The following CEP41 variants were observed in gnomAD, a reference collection of about 807,000 sequenced individuals.
CEP41 encodes centrosomal protein 41.
In CEP41, 32 loss-of-function variants were observed where a neutral mutation model predicts 44.3. That is an observed-to-expected ratio of 0.72 (90% CI 0.54 to 0.97). The LOEUF is 0.97. CEP41 is among the 50% of genes least tolerant of loss of function. The pLI, the probability that CEP41 is intolerant of heterozygous loss-of-function variation, is 0.00. For missense variants in CEP41, 432 were observed against 455.2 expected, an observed-to-expected ratio of 0.95 and a Z score of 0.46; for synonymous variants, 151 against 168.5, an observed-to-expected ratio of 0.90 and a Z score of 0.80.
At chr7:130,419,234 C>T (rs191473799) in intron 2 of CEP41, 2 of 985,292 alleles carry the variant, frequency 2.0e-6, no homozygotes, top group East Asian at 2.3e-4. Flanking sequence ...CTGATGAGTT[C>T]TTTTCACTAT....
intron 1 of CEP41, among the ~76,000 whole-genome samples, chr7:130,435,738 G>A (rs1386323004): frequency 2.0e-5 from 3 of 152,110 alleles, no homozygotes; most frequent in Non-Finnish European, 2.9e-5. Flanking sequence ...ACTCCTGGGC[G>A]TTTATCCCAG....
rs781865266 is a variant in CEP41, at chr7:130,398,995, G to A, written c.1018C>T (p.Pro340Ser). 1.2e-6 allele frequency: 2 copies of A among 1,614,188 alleles called. No homozygotes were observed. The highest frequency in any genetic ancestry group is 1.7e-6 in the Non-Finnish European group (2 of 1,180,032). The change falls in exon 11 of 11, where the codon CCT (proline) becomes TCT (serine). Residue 340 changes from proline (P) to serine (S), a missense_variant. Physicochemically the swap from Pro to Ser is moderately conservative, Grantham distance 74. Transcript: ENST00000223208. Reference sequence around the variant, plus strand: ...AGATTCTGAGCGCTTCGGGCACCAGGCACCTTGGACTCTCTTCCGGAGGAG... The same window carrying A: ...AGATTCTGAGCGCTTCGGGCACCAGACACCTTGGACTCTCTTCCGGAGGAG... ...ANSSGRESKVPGARSAQNLPG... is the reference protein window; with the variant it reads ...ANSSGRESKVSGARSAQNLPG...
At chr7:130,415,029 A>G (rs1175609745) in intron 3 of CEP41, among the ~76,000 whole-genome samples, 1 of 152,226 alleles carries the variant, frequency 6.6e-6, no homozygotes, top group Non-Finnish European at 1.5e-5. Flanking sequence ...AGTGTCATCT[A>G]ACCACCAGAA....
chr7:130,396,336 T>C lies in CEP41; in HGVS notation c.*2555A>G, dbSNP rs1554414523. On this transcript the variant is annotated 3_prime_UTR_variant, in exon 11 of 11. Transcript: ENST00000223208. The stretch of plus-strand genomic sequence containing the variant: ...GTCCCAGCCTGAGCAGGAAAAGAAA[T>C]CCAGGCTTTCTGACTGGAGAGCTGA... The C allele has an allele frequency of 2.2e-6, 1 of 454,076 alleles. No homozygotes were observed. The highest frequency in any genetic ancestry group is 6.9e-5 in the East Asian group (1 of 14,398). The allele number at this position is 454,076 out of a possible 1,614,324, so 28.1% of individuals were successfully genotyped here. A position where few individuals can be genotyped will look rare whatever the true frequency, so the allele number is the denominator to read the frequency against.
chr7:130,396,150 G>GT lies in CEP41; in HGVS notation c.*2740dup. The stretch of plus-strand genomic sequence containing the variant: ...CACAAACCCCTTTAAAGCATTTAAG[G>GT]TATTATTTAAACTTTGGCCATCACT... On this transcript the variant is annotated 3_prime_UTR_variant, in exon 11 of 11. Transcript: ENST00000223208. 1 of 452,812 alleles carries GT rather than the reference G, an allele frequency of 2.2e-6. No homozygotes were observed. Among genetic ancestry groups the GT allele is most frequent in the Non-Finnish European group, 4.4e-6 (1 of 226,586 alleles). 28.0% of individuals were successfully genotyped at this position (452,812 alleles called of 1,614,324 possible).
At chr7:130,421,277 A>T (rs782266001) in intron 2 of CEP41, 29 of 985,366 alleles carry the variant, frequency 2.9e-5, no homozygotes, top group Non-Finnish European at 3.4e-5. Flanking sequence ...AATCTAAAGT[A>T]GATGAGATTT....
chr7:130,427,917 A>G, intron 2 of CEP41, 38 bp downstream of exon 2: 1 of 1,378,758 alleles, frequency 7.3e-7, no homozygotes, highest in African/African-American at 1.4e-5. Flanking sequence ...ATTAGCTATT[A>G]GATTTTTTTT....
intron 1 of CEP41, among the ~76,000 whole-genome samples, chr7:130,437,764 C>CAAAAAA (rs1171735164): frequency 0.023 from 685 of 30,436 alleles, no homozygotes; most frequent in Non-Finnish European, 0.031. Context: ...AAGACTGTCT[C>CAAAAAA]AAAAAAAAAA....
chr7:130,435,680 G>A lies in CEP41; in HGVS notation c.33+5254C>T, dbSNP rs560168181. Among the ~76,000 whole-genome samples, 5 of 152,296 alleles carry A rather than the reference G, an allele frequency of 3.3e-5. No homozygotes were observed. The South Asian group carries it at 1.0e-3, about 32-fold the overall frequency. The stretch of plus-strand genomic sequence containing the variant: ...ACAGCCTCTCTGGAAAAGTTTGGCA[G>A]TATCTAATAAAACTAAACATATGTT... On this transcript the variant is annotated intron_variant, in intron 1 of 10. Transcript: ENST00000223208.
chr7:130,411,495 C>T (rs782701568), intron 4 of CEP41, among the ~76,000 whole-genome samples: 26 of 152,222 alleles, frequency 1.7e-4, no homozygotes, highest in Admixed American at 3.9e-4. Context: ...ATATCGTGGT[C>T]CAAGCACTAC....
At chr7:130,423,446 T>C (rs1554422703) in intron 2 of CEP41, among the ~76,000 whole-genome samples, 1 of 152,164 alleles carries the variant, frequency 6.6e-6, no homozygotes, top group African/African-American at 2.4e-5. Context: ...ACAAAGATGG[T>C]AATCAAAACG....
intron 2 of CEP41, chr7:130,426,659 A>G (rs782768843): frequency 1.3e-5 from 6 of 456,120 alleles, no homozygotes; most frequent in South Asian, 9.3e-5. Context: ...AGAAGGGTGG[A>G]TCACAGTTGC....
intron 1 of CEP41, 117 bp downstream of exon 1, chr7:130,440,809 CTCCTCACG>C: frequency 9.3e-6 from 9 of 963,176 alleles, no homozygotes; most frequent in East Asian, 2.5e-5. Flanking sequence ...ATCCCGACCC[CTCCTCACG>C]CCGGCCCCTT....
intron 1 of CEP41, among the ~76,000 whole-genome samples, chr7:130,436,988 G>A (rs1174063111): frequency 2.6e-5 from 4 of 152,098 alleles, no homozygotes; most frequent in Admixed American, 2.0e-4. Context: ...GTAGTGAGCC[G>A]AAATCGCACC....
At chr7:130,408,742 A>G (rs1181601304) in intron 5 of CEP41, among the ~76,000 whole-genome samples, 1 of 152,194 alleles carries the variant, frequency 6.6e-6, no homozygotes, top group Non-Finnish European at 1.5e-5. Context: ...TCAGGGAATA[A>G]TCAGAATCAT....
chr7:130,404,460 G>A lies in CEP41; in HGVS notation c.422+104C>T. The A allele has an allele frequency of 3.4e-6, 3 of 890,172 alleles. No individual in the cohort carries two copies. In the South Asian group the frequency reaches 4.1e-5, roughly 12 times the overall value. 55.1% of individuals were successfully genotyped at this position (890,172 alleles called of 1,614,324 possible). A position where few individuals can be genotyped will look rare whatever the true frequency, so the allele number is the denominator to read the frequency against. On this transcript the variant is annotated intron_variant, in intron 6 of 10. Transcript: ENST00000223208. ...GATTAAAATGTGAGACTTTACTCCTGCCAGTTCTGTTTCTAAGGCAAGAAA... is the reference window on the plus strand; with the variant it reads ...GATTAAAATGTGAGACTTTACTCCTACCAGTTCTGTTTCTAAGGCAAGAAA...
chr7:130,431,437 CT>C (rs1797819237), intron 1 of CEP41, among the ~76,000 whole-genome samples: 2 of 152,288 alleles, frequency 1.3e-5, no homozygotes, highest in African/African-American at 2.4e-5. Flanking sequence ...GAAACACAGT[CT>C]TTGCCATCCA....
Position 130,400,821 on chromosome 7 carries a change from T to C in CEP41, c.643A>G (p.Lys215Glu), listed in dbSNP as rs782434620. The change falls in exon 9 of 11, where the codon AAA becomes GAA. Residue 215 changes from lysine to glutamate, a missense_variant and splice_region_variant. Physicochemically the swap from Lys to Glu is moderately conservative, Grantham distance 56. Coordinates refer to ENST00000223208, the MANE Select transcript of CEP41 (RefSeq NM_018718.3). ...ATGATGATCTTGCCATGGGCATTTT[T>C]CTAAGAGTCAGATGAGTTAAGGTTC... The part of the protein sequence containing the change: ...NPYSNDILEY[K>E]NAHGKIIILY... The C allele has an allele frequency of 1.2e-6, 2 of 1,601,174 alleles. No homozygotes were observed. Among genetic ancestry groups the C allele is most frequent in the South Asian group, 1.1e-5 (1 of 89,532 alleles).
Position 130,398,806 on chromosome 7 carries a change from G to T in CEP41, c.*85C>A, listed in dbSNP as rs551486752. 322 of 1,501,980 alleles carry T rather than the reference G, an allele frequency of 2.1e-4. 1 individual carries two copies. In the African/African-American group the frequency reaches 4.1e-3, roughly 19 times the overall value. 93.0% of individuals were successfully genotyped at this position (1,501,980 alleles called of 1,614,324 possible). On this transcript the variant is annotated 3_prime_UTR_variant, in exon 11 of 11. Transcript: ENST00000223208. ...ATGTCATGGTCTTTCCTCTGCAGAAGTTTCTGGAAATGACCCAACTTGGGA... is the reference window on the plus strand; with the variant it reads ...ATGTCATGGTCTTTCCTCTGCAGAATTTTCTGGAAATGACCCAACTTGGGA...
Sources: allele counts gnomAD v4.1 joint callset (sites outside exome capture counted in the v4.1 genomes callset), GRCh38; gene constraint gnomAD v4.1.1; transcripts MANE v1.5; gene names NCBI Gene and HGNC (gene_info 2026-07-23, HGNC 2026-07-21).